CARD10: variants seen among roughly 807,000 people sequenced by gnomAD.
CARD10 encodes caspase recruitment domain family member 10, also known as caspase recruitment domain-containing protein 10.
Under a neutral mutation model 114.6 loss-of-function variants are expected in CARD10, and 49 were observed. That is an observed-to-expected ratio of 0.43 (90% CI 0.34 to 0.54). CARD10 has a LOEUF of 0.54. CARD10 is among the 20% of genes least tolerant of loss of function. CARD10 has a pLI of 0.03. For missense variants in CARD10, 1,206 were observed against 1,397.2 expected, an observed-to-expected ratio of 0.86 and a Z score of 2.18; for synonymous variants, 602 against 593.2, an observed-to-expected ratio of 1.01 and a Z score of -0.21.
chr22:37,502,658 A>G lies in CARD10; in HGVS notation c.1731T>C (p.Pro577=). The change falls in exon 11 of 20, where the codon CCT becomes CCC. Residue 577 remains proline, a synonymous_variant. Transcript: ENST00000251973. ...SSSSSSDSVW[P]LGKPEGLLAR... The stretch of plus-strand genomic sequence containing the variant: ...CCAGGAGGCCTTCCGGCTTTCCCAA[A>G]GGCCACACGCTGTCAGAGGATGAGG... 1 of 1,613,964 alleles carries G rather than the reference A, an allele frequency of 6.2e-7. No homozygotes were observed.
rs1354194823 is a variant in CARD10, at chr22:37,501,315, C to T, written c.1787+1287G>A. Among the ~76,000 whole-genome samples, 14 of 152,176 alleles carry T rather than the reference C, an allele frequency of 9.2e-5. 1 individual carries two copies. Among genetic ancestry groups the T allele is most frequent in the South Asian group, 8.3e-4 (4 of 4,828 alleles). ...CTCCTGCTCCCTGGCTGCATCCTGG[C>T]GCCCCCTGGACAACAGCCAGGACCC... On this transcript the variant is annotated intron_variant, in intron 11 of 19. Coordinates refer to ENST00000251973, the MANE Select transcript of CARD10 (RefSeq NM_014550.4). This position sits in a 1 kb window ranked among gnomAD's most constrained non-coding sequence, Gnocchi z 5.4.
chr22:37,491,651 A>AGGAGACAGG (rs1922798551), intron 19 of CARD10, 104 bp downstream of exon 19: 4 of 247,288 alleles, frequency 1.6e-5, no homozygotes, highest in South Asian at 3.6e-5. Flanking sequence ...AGGGGGAGGG[A>AGGAGACAGG]GAAAGAGGGG....
At position 37,508,598 on chromosome 22, in the gene CARD10, T is replaced by C; in HGVS notation, c.994A>G (p.Arg332Gly). Residue 332 changes from arginine (R) to glycine (G), a missense_variant, in exon 5 of 20, where the codon AGG becomes GGG. Arg to Gly is a moderately radical substitution (Grantham distance 125, BLOSUM62 -2). Around this residue, in one of 2 missense-constraint regions of CARD10, gnomAD observed 1,068 missense variants for 1,179.1 expected, o/e 0.91. Transcript: ENST00000251973. The part of the protein sequence containing the change: ...EHDWREAQDS[R>G]QELCQKLHAV... ...TGCAGCTTCTGGCACAGCTCCTGCCTGCTGTCCTGCGCCTCCCGCCAGTCA... is the reference window on the plus strand; with the variant it reads ...TGCAGCTTCTGGCACAGCTCCTGCCCGCTGTCCTGCGCCTCCCGCCAGTCA... The C allele has an allele frequency of 6.3e-7, 1 of 1,586,446 alleles. No individual in the cohort carries two copies. The highest frequency in any genetic ancestry group is 1.7e-4 in the Middle Eastern group (1 of 6,006).
chr22:37,500,900 C>T (rs1327331106), intron 11 of CARD10, among the ~76,000 whole-genome samples: 1 of 152,110 alleles, frequency 6.6e-6, no homozygotes, highest in Non-Finnish European at 1.5e-5. Context: ...GATACTCAAA[C>T]CCCCATAGTG....
chr22:37,506,149 C>T (rs1180221799), intron 7 of CARD10, 43 bp downstream of exon 7: 3 of 1,419,864 alleles, frequency 2.1e-6, no homozygotes, highest in Non-Finnish European at 2.8e-6. Flanking sequence ...CTGCCAGGAC[C>T]CCAGCCTTCC....
In CARD10 at chr22:37,506,333, G is replaced by C; in HGVS notation, c.1242C>G (p.Ile414Met). 1.2e-6 allele frequency: 2 copies of C among 1,607,306 alleles called. No homozygotes were observed. The highest frequency in any genetic ancestry group is 1.7e-6 in the Non-Finnish European group (2 of 1,176,730). Residue 414 changes from isoleucine (I) to methionine (M), a missense_variant, in exon 7 of 20, where the codon ATC (isoleucine) becomes ATG (methionine). By Grantham distance (10) the Ile-to-Met change is conservative (BLOSUM62 1). Coordinates refer to ENST00000251973, the MANE Select transcript of CARD10 (RefSeq NM_014550.4). ...CCTGCTTGCGGTACTGGTCCTTCTCGATGAGGCTCTGTGAGTACTGCAACT... is the reference window on the plus strand; with the variant it reads ...CCTGCTTGCGGTACTGGTCCTTCTCCATGAGGCTCTGTGAGTACTGCAACT... ...RIQLQYSQSLIEKDQYRKQVR... is the reference protein window; with the variant it reads ...RIQLQYSQSLMEKDQYRKQVR...
chr22:37,516,259 G>A lies in CARD10; in HGVS notation c.413C>T (p.Thr138Ile). 6.2e-7 allele frequency: 1 copy of A among 1,604,484 alleles called. No individual in the cohort carries two copies. The change falls in exon 3 of 20, where the codon ACA (threonine) becomes ATA (isoleucine). Residue 138 changes from threonine to isoleucine, a missense_variant. This residue lies in a region of CARD10 where 138 missense variants were observed against 218.0 expected (regional missense o/e 0.63). Coordinates refer to ENST00000251973, the MANE Select transcript of CARD10 (RefSeq NM_014550.4). ...AGCTTCCCGCAGCCGTCGCACCTCT[G>A]TCATCAAGAATTGGGTCAGGCCCTC... ...GPEGLTQFLMTEVRRLREARK... is the reference protein window; with the variant it reads ...GPEGLTQFLMIEVRRLREARK...
chr22:37,514,894 G>A (rs2145776000), intron 3 of CARD10: 1 of 152,418 alleles, frequency 6.6e-6, no homozygotes, highest in South Asian at 2.1e-4. Context: ...CTGAGTCCCA[G>A]TCAGAAACCA....
chr22:37,516,845 G>A (rs529469811), intron 2 of CARD10, among the ~76,000 whole-genome samples: 1 of 152,304 alleles, frequency 6.6e-6, no homozygotes, highest in East Asian at 1.9e-4. Context: ...CAGAAAAACT[G>A]AAGCACAGAG....
chr22:37,496,516 G>C lies in CARD10; in HGVS notation c.1992C>G (p.Ala664=), dbSNP rs749725348. Residue 664 remains alanine (A), a synonymous_variant, in exon 13 of 20, where the codon GCC becomes GCG. Coordinates refer to ENST00000251973, the MANE Select transcript of CARD10 (RefSeq NM_014550.4). This position sits in a 1 kb window ranked among gnomAD's most constrained non-coding sequence, Gnocchi z 4.1. ...AGAGCAAGGTTCTCTGCTGGGCCTC[G>C]GCTTCCAGGCACGCCCCCTCCAGAC... ...AAGLEGACLE[A]EAQQRTLLWN... The C allele has an allele frequency of 6.2e-7, 1 of 1,613,728 alleles. No homozygotes were observed. Among genetic ancestry groups the C allele is most frequent in the Non-Finnish European group, 8.5e-7 (1 of 1,179,938 alleles).
chr22:37,518,612 GGAGATCAAA>G (rs1414179609), intron 1 of CARD10, among the ~76,000 whole-genome samples: 5 of 152,310 alleles, frequency 3.3e-5, no homozygotes, highest in Middle Eastern at 3.4e-3. Context: ...GACAGAACTC[GGAGATCAAA>G]GAGCGCAGGA....
At chr22:37,509,350 CA>C (rs1242662951) in intron 4 of CARD10, among the ~76,000 whole-genome samples, 2 of 152,106 alleles carry the variant, frequency 1.3e-5, no homozygotes, top group South Asian at 2.1e-4. Context: ...CACTCAAAAT[CA>C]GGGGGGCAGT....
At position 37,494,131 on chromosome 22, in the gene CARD10, G is replaced by A; in HGVS notation, c.2431C>T (p.Pro811Ser). Residue 811 changes from proline to serine, a missense_variant, in exon 16 of 20, where the codon CCT becomes TCT. Physicochemically the swap from Pro to Ser is moderately conservative, Grantham distance 74. Transcript: ENST00000251973. ...AGCTGATCCGGGGAGTCCCCTGCAG[G>A]CGCCCCCACGGGCTTGGGCCTCACC... The part of the protein sequence containing the change: ...RLVRPKPVGA[P>S]AGDSPDQLLL... The A allele has an allele frequency of 1.3e-6, 2 of 1,560,108 alleles. No individual in the cohort carries two copies. The highest frequency in any genetic ancestry group is 1.4e-5 in the African/African-American group (1 of 73,606).
intron 5 of CARD10, among the ~76,000 whole-genome samples, chr22:37,508,237 C>G (rs1050151105): frequency 6.6e-6 from 1 of 152,210 alleles, no homozygotes; most frequent in Non-Finnish European, 1.5e-5. Context: ...CTCTGCATCT[C>G]CCACGGTGCT....
Position 37,510,404 on chromosome 22 carries a change from G to C in CARD10, c.717C>G (p.Leu239=). 1 of 1,613,694 alleles carries C rather than the reference G, an allele frequency of 6.2e-7. No homozygotes were observed. Among genetic ancestry groups the C allele is most frequent in the Non-Finnish European group, 8.5e-7 (1 of 1,180,000 alleles). Residue 239 remains leucine (L), a synonymous_variant, in exon 4 of 20, where the codon CTC becomes CTG. Coordinates refer to ENST00000251973, the MANE Select transcript of CARD10 (RefSeq NM_014550.4). The stretch of plus-strand genomic sequence containing the variant: ...ACTCTTCCTCCAGCCGACTCACTTT[G>C]AGCTTGAGCTGATCCACCTGGAGCC... ...DLQLAVDQLK[L]KVSRLEEECA... is the part of the protein sequence containing the mutation.
In CARD10 at chr22:37,519,312, G is replaced by C; in HGVS notation, c.-112C>G. 7.5e-7 allele frequency: 1 copy of C among 1,341,860 alleles called. No homozygotes were observed. Among genetic ancestry groups the C allele is most frequent in the Non-Finnish European group, 9.5e-7 (1 of 1,050,160 alleles). 83.1% of individuals were successfully genotyped at this position (1,341,860 alleles called of 1,614,324 possible). On this transcript the variant is annotated 5_prime_UTR_variant, in exon 1 of 20. Coordinates refer to ENST00000251973, the MANE Select transcript of CARD10 (RefSeq NM_014550.4). The surrounding 1 kb of genome is among the most constrained non-coding windows in gnomAD (Gnocchi z 4.1). ...GGGCGTCGTCCGCAGACCCGCCGTC[G>C]GGGGCGCGCCCCGAGCTCCCCGCGA...
chr22:37,506,150 C>A (rs550156153), intron 7 of CARD10, 42 bp downstream of exon 7: 1 of 1,426,388 alleles, frequency 7.0e-7, no homozygotes, highest in Admixed American at 2.3e-5. Flanking sequence ...TGCCAGGACC[C>A]CAGCCTTCCT....
In CARD10 at chr22:37,518,994, G is replaced by GT; in HGVS notation, c.206dup (p.Tyr69Ter). Residue 69 changes from tyrosine to a stop codon, truncating the protein, a stop_gained and frameshift_variant, in exon 1 of 20, where the codon TAC becomes TAAC. Transcript: ENST00000251973. LOFTEE classifies it high-confidence loss of function. ...EQDEEEVLST[Y>*]RFPCRVNRTG... is the part of the protein sequence containing the mutation. ...TGCGGTTGACGCGGCACGGGAAGCGGTAGGTGCTCAGCACCTCCTCCTCGT... is the reference window on the plus strand; with the variant it reads ...TGCGGTTGACGCGGCACGGGAAGCGGTTAGGTGCTCAGCACCTCCTCCTCGT... 1 of 1,570,626 alleles carries GT rather than the reference G, an allele frequency of 6.4e-7. No homozygotes were observed. The highest frequency in any genetic ancestry group is 8.6e-7 in the Non-Finnish European group (1 of 1,163,140).
chr22:37,508,648 C>A lies in CARD10; in HGVS notation c.944G>T (p.Arg315Leu). The change falls in exon 5 of 20, where the codon CGC becomes CTC. Residue 315 changes from arginine (R) to leucine (L), a missense_variant. Physicochemically the swap from Arg to Leu is moderately radical, Grantham distance 102. Transcript: ENST00000251973. The stretch of plus-strand genomic sequence containing the variant: ...ATGCTCTAGGATGTCCAGCAGGATG[C>A]GCTCGGAGCCCGGGGCCCCCGGCCG... Reference protein sequence around the residue: ...ASRPGAPGSERILLDILEHDW... With the variant: ...ASRPGAPGSELILLDILEHDW... 6.3e-7 allele frequency: 1 copy of A among 1,580,482 alleles called. No individual in the cohort carries two copies. Among genetic ancestry groups the A allele is most frequent in the Non-Finnish European group, 8.6e-7 (1 of 1,166,924 alleles).
Sources: gnomAD v4.1 joint callset for allele counts (sites outside exome capture counted in the v4.1 genomes callset) on GRCh38, gnomAD v4.1.1 for gene constraint, gnomAD v4.1.1 regional missense constraint, Gnocchi (gnomAD v3.1) non-coding constraint, MANE v1.5 for transcripts, NCBI Gene and HGNC (gene_info 2026-07-23, HGNC 2026-07-21) for gene names.